The following DBX2 variants were observed in gnomAD, a reference collection of about 807,000 sequenced individuals.
DBX2 encodes the protein developing brain homeobox 2, also known as homeobox protein DBX2.
Under a neutral mutation model 17.7 loss-of-function variants are expected in DBX2, and 16 were observed. The ratio of observed to expected loss-of-function variants is 0.90; its 90% CI spans 0.61 to 1.37. The LOEUF (loss-of-function observed/expected upper bound fraction) is 1.37. Ranked by LOEUF, DBX2 falls within the 40% of genes most tolerant of loss-of-function variation. DBX2 has a pLI of 0.00. For missense variants in DBX2, 538 were observed against 433.8 expected (o/e 1.24, Z -2.13); for synonymous variants, 255 against 183.8 (o/e 1.39, Z -3.13).
At chr12:45,043,842 G>A (rs1356769136) in intron 1 of DBX2, among the ~76,000 whole-genome samples, 3 of 152,178 alleles carry the variant, frequency 2.0e-5, no homozygotes, top group Non-Finnish European at 4.4e-5. Context: ...ATCTTTTCCT[G>A]TATCTTACCA....
chr12:45,037,559 A>C (rs1224964465), intron 1 of DBX2, among the ~76,000 whole-genome samples: 1 of 152,076 alleles, frequency 6.6e-6, no homozygotes, highest in African/African-American at 2.4e-5. Context: ...TTTTATTATT[A>C]TTCTTTCATA....
chr12:45,048,970 A>C (rs897884579), intron 1 of DBX2, among the ~76,000 whole-genome samples: 1 of 152,208 alleles, frequency 6.6e-6, no homozygotes, highest in Non-Finnish European at 1.5e-5. Flanking sequence ...ATGTTCTTGA[A>C]AATAAAAAGA....
At chr12:45,031,086 G>A (rs12827510) in intron 2 of DBX2, among the ~76,000 whole-genome samples, 76 of 152,094 alleles carry the variant, frequency 5.0e-4, no homozygotes, top group Non-Finnish European at 1.0e-3. Context: ...TTGTCTGTGG[G>A]CTCACCTTTT....
rs1946315259 is a variant in DBX2 at position 45,014,951 on chromosome 12, A to T, written c.*1335T>A. The T allele has an allele frequency of 6.6e-6, 1 of 152,206 alleles. No individual in the cohort carries two copies. The highest frequency in any genetic ancestry group is 1.5e-5 in the Non-Finnish European group (1 of 68,018). The allele number at this position is 152,206 out of a possible 1,614,324, so 9.4% of individuals were successfully genotyped here. ...GGAGTTCAGCAAATTAGAAGCCACC[A>T]TCATTATGCAGCTTACTCACTAACA... is the stretch of plus-strand genomic sequence containing the variant. On this transcript the variant is annotated 3_prime_UTR_variant, in exon 4 of 4. Coordinates refer to ENST00000332700, the MANE Select transcript of DBX2 (RefSeq NM_001004329.3).
intron 1 of DBX2, among the ~76,000 whole-genome samples, chr12:45,040,415 C>G (rs115391512): frequency 0.012 from 1,856 of 152,158 alleles, 45 homozygotes; most frequent in African/African-American, 0.042. Context: ...TGTTCTTCTA[C>G]AGAACCCTGA....
At chr12:45,028,942 T>TA (rs935249163) in intron 2 of DBX2, among the ~76,000 whole-genome samples, 14 of 152,356 alleles carry the variant, frequency 9.2e-5, no homozygotes, top group African/African-American at 3.4e-4. Flanking sequence ...ATGCTGCTAT[T>TA]ACTAAACCAC....
At chr12:45,031,225 T>TGTGTGTGTGAGA (rs1377897653) in intron 2 of DBX2, among the ~76,000 whole-genome samples, 7,737 of 85,304 alleles carry the variant, frequency 0.091, 470 homozygotes, top group South Asian at 0.18. Context: ...TGTGTGTGTG[T>TGTGTGTGTGAGA]GAGAGAGAGA....
At chr12:45,022,616 T>C (rs1209199267) in intron 3 of DBX2, among the ~76,000 whole-genome samples, 3 of 152,160 alleles carry the variant, frequency 2.0e-5, no homozygotes, top group African/African-American at 7.2e-5. Context: ...TAACTGGTTT[T>C]AATAAGGTCC....
intron 1 of DBX2, among the ~76,000 whole-genome samples, chr12:45,049,880 C>G (rs185176621): frequency 6.6e-6 from 1 of 152,298 alleles, no homozygotes; most frequent in Admixed American, 6.5e-5. Flanking sequence ...TATTGGTGAA[C>G]TTCCTACTCC....
In DBX2 at chr12:45,016,500, G is replaced by A. The variant is rs139090639; in HGVS notation, c.806C>T (p.Ala269Val). The A allele has an allele frequency of 1.9e-6, 3 of 1,613,770 alleles. No individual in the cohort carries two copies. The highest frequency in any genetic ancestry group is 2.5e-6 in the Non-Finnish European group (3 of 1,179,874). Reference protein sequence around the residue: ...GLQEDPLSRSALGFPSPCPSI... With the variant: ...GLQEDPLSRSVLGFPSPCPSI... ...AGGACATGGAGAAGGGAAACCCAGA[G>A]CAGACCGTGAGAGGGGATCCTCTTG... Residue 269 changes from alanine to valine, a missense_variant, in exon 4 of 4, where the codon GCT becomes GTT. Coordinates refer to ENST00000332700, the MANE Select transcript of DBX2 (RefSeq NM_001004329.3).
chr12:45,038,063 C>A (rs1946449858), intron 1 of DBX2, among the ~76,000 whole-genome samples: 1 of 151,836 alleles, frequency 6.6e-6, no homozygotes, highest in African/African-American at 2.4e-5. Context: ...TAAATCATTT[C>A]ATTTGAATTT....
intron 2 of DBX2, among the ~76,000 whole-genome samples, chr12:45,024,338 T>A (rs1219311332): frequency 2.0e-5 from 3 of 152,218 alleles, no homozygotes; most frequent in African/African-American, 7.2e-5. Context: ...ATTAAACCTC[T>A]TTCTTTTATA....
chr12:45,033,533 A>G (rs1946420640), intron 2 of DBX2, among the ~76,000 whole-genome samples: 2 of 152,316 alleles, frequency 1.3e-5, no homozygotes, highest in South Asian at 4.1e-4. Flanking sequence ...AAACCTTATT[A>G]ACTGTACCTT....
intron 2 of DBX2, among the ~76,000 whole-genome samples, chr12:45,031,240 G>GAGAC (rs1196877529): frequency 2.0e-5 from 3 of 149,690 alleles, no homozygotes; most frequent in Non-Finnish European, 4.4e-5. Context: ...GAGAGAGAGA[G>GAGAC]AGAGAGAGAG....
At chr12:45,026,279 C>T (rs1946381013) in intron 2 of DBX2, among the ~76,000 whole-genome samples, 1 of 152,126 alleles carries the variant, frequency 6.6e-6, no homozygotes, top group African/African-American at 2.4e-5. Context: ...TAATAGAGAA[C>T]TGCAAGGGTT....
At chr12:45,029,984 C>T (rs11830299) in intron 2 of DBX2, among the ~76,000 whole-genome samples, 13,373 of 151,944 alleles carry the variant, frequency 0.088, 1,170 homozygotes, top group East Asian at 0.37. Flanking sequence ...ATTCCAGGAT[C>T]CCCTGGATCC....
At chr12:45,020,800 G>A (rs754622994) in intron 3 of DBX2, among the ~76,000 whole-genome samples, 6 of 151,752 alleles carry the variant, frequency 4.0e-5, no homozygotes, top group Admixed American at 6.6e-5. Flanking sequence ...ATGTAAGGGC[G>A]CATGGTAAGC....
chr12:45,022,497 G>T (rs1291409213), intron 3 of DBX2, among the ~76,000 whole-genome samples: 1 of 151,642 alleles, frequency 6.6e-6, no homozygotes, highest in Non-Finnish European at 1.5e-5. Flanking sequence ...GTAGAGTCAG[G>T]GTTTCACCGT....
At position 45,050,766 on chromosome 12, in the gene DBX2, C is replaced by A. The variant is rs753499951; in HGVS notation, c.162G>T (p.Leu54=). 5 of 1,508,122 alleles carry A rather than the reference C, an allele frequency of 3.3e-6. No homozygotes were observed. The Admixed American group carries it at 1.1e-4, about 34-fold the overall frequency. 93.4% of individuals were successfully genotyped at this position (1,508,122 alleles called of 1,614,324 possible). A position where few individuals can be genotyped will look rare whatever the true frequency, so the allele number is the denominator to read the frequency against. ...CCGGGTCGTGGGGCGCGGGCGGCTG[C>A]AGCCTGGGCGTTGGGGCGCCCCCGA... is the stretch of plus-strand genomic sequence containing the variant. The part of the protein sequence containing the change: ...LRVGGAPTPR[L]QPPAPHDPAT... Residue 54 remains leucine (L), a synonymous_variant, in exon 1 of 4, where the codon CTG becomes CTT. Transcript: ENST00000332700.
Sources: gnomAD v4.1 joint callset for allele counts (sites outside exome capture counted in the v4.1 genomes callset) on GRCh38, gnomAD v4.1.1 for gene constraint, MANE v1.5 for transcripts, NCBI Gene and HGNC (gene_info 2026-07-23, HGNC 2026-07-21) for gene names.